The following ARHGAP35 variants were observed in gnomAD, a reference collection of about 807,000 sequenced individuals.
ARHGAP35 encodes the protein rho GTPase-activating protein 35.
A neutral mutation model predicts 111.1 loss-of-function variants in ARHGAP35; 15 were observed. That is an observed-to-expected ratio of 0.13 (90% confidence interval 0.09 to 0.21). The LOEUF (loss-of-function observed/expected upper bound fraction) is 0.21. Ranked by LOEUF, ARHGAP35 falls within the 10% of genes least tolerant of loss-of-function variation. The pLI is 1.00. For missense variants in ARHGAP35, 1,262 were observed against 1,873.0 expected (o/e 0.67, Z 6.02); for synonymous variants, 643 against 710.3 (o/e 0.91, Z 1.51).
At chr19:46,940,109 G>A (rs1049129245) in intron 3 of ARHGAP35, among the ~76,000 whole-genome samples, 6 of 151,906 alleles carry the variant, frequency 3.9e-5, no homozygotes, top group Non-Finnish European at 7.4e-5. Context: ...GGTGGCTCAC[G>A]CTTGTAGTTC....
chr19:47,001,101 G>C lies in ARHGAP35; in HGVS notation c.*413G>C. ...ATTCAGGGTGGGGCTGGCAACCCCT[G>C]AAGAGAACACTTCCTGTTGGTCTGT... On this transcript the variant is annotated 3_prime_UTR_variant, in exon 7 of 7. Transcript: ENST00000672722. The surrounding 1 kb of genome is among the most constrained non-coding windows in gnomAD (Gnocchi z 5.4). 7 of 1,262,928 alleles carry C rather than the reference G, an allele frequency of 5.5e-6. No homozygotes were observed. Among genetic ancestry groups the C allele is most frequent in the Non-Finnish European group, 7.1e-6 (7 of 982,162 alleles). The allele number at this position is 1,262,928 out of a possible 1,614,324, so 78.2% of individuals were successfully genotyped here. A position where few individuals can be genotyped will look rare whatever the true frequency, so the allele number is the denominator to read the frequency against.
rs2056238464 is a variant in ARHGAP35 at position 46,926,429 on chromosome 19, T to C, written c.3681+4073T>C. Reference sequence around the variant, plus strand: ...GTTGCACATGGTCTCTGTCTCCCAGTGCCATGCGTTTGCAAAGACGAGATC... The same window carrying C: ...GTTGCACATGGTCTCTGTCTCCCAGCGCCATGCGTTTGCAAAGACGAGATC... On this transcript the variant is annotated intron_variant, in intron 2 of 6. Transcript: ENST00000672722. The surrounding 1 kb of genome is among the most constrained non-coding windows in gnomAD (Gnocchi z 4.1). Among the ~76,000 whole-genome samples the C allele has an allele frequency of 6.6e-6, 1 of 152,218 alleles. No individual in the cohort carries two copies. Among genetic ancestry groups the C allele is most frequent in the Non-Finnish European group, 1.5e-5 (1 of 68,044 alleles).
intron 1 of ARHGAP35, among the ~76,000 whole-genome samples, chr19:46,896,584 G>T (rs62136775): frequency 6.6e-6 from 1 of 152,214 alleles, no homozygotes; most frequent in African/African-American, 2.4e-5. Context: ...AGCTCACGCT[G>T]TGCAGCAGCT....
chr19:46,882,546 T>C (rs1020340752), intron 1 of ARHGAP35, among the ~76,000 whole-genome samples: 1 of 152,226 alleles, frequency 6.6e-6, no homozygotes, highest in Admixed American at 6.5e-5. Context: ...AGATTTGTTA[T>C]ATAGGTATAC....
intron 3 of ARHGAP35, among the ~76,000 whole-genome samples, chr19:46,985,123 CA>C (rs1336954039): frequency 1.3e-5 from 2 of 152,024 alleles, no homozygotes; most frequent in African/African-American, 4.8e-5. Context: ...TTGTTTTTTT[CA>C]AATTAGGAGA....
chr19:46,908,911 G>A lies in ARHGAP35; in HGVS notation c.-188-9577G>A, dbSNP rs2056124303. ...AGAACCTTTAAGCAGGGATTGCATG[G>A]AGGTGGGGAGGACAAATCAAGAGGG... On this transcript the variant is annotated intron_variant, in intron 1 of 6. Transcript: ENST00000672722. This position sits in a 1 kb window ranked among gnomAD's most constrained non-coding sequence, Gnocchi z 4.2. Among the ~76,000 whole-genome samples, 1 of 152,198 alleles carries A rather than the reference G, an allele frequency of 6.6e-6. No homozygotes were observed. The highest frequency in any genetic ancestry group is 2.4e-5 in the African/African-American group (1 of 41,446).
At chr19:46,871,720 T>C (rs1456809236) in intron 1 of ARHGAP35, among the ~76,000 whole-genome samples, 1 of 151,766 alleles carries the variant, frequency 6.6e-6, no homozygotes, top group African/African-American at 2.4e-5. Context: ...GGCTCATGCC[T>C]GTAATCCCAG....
At chr19:46,865,354 T>G (rs1452727636) in intron 1 of ARHGAP35, among the ~76,000 whole-genome samples, 1 of 152,258 alleles carries the variant, frequency 6.6e-6, no homozygotes, top group African/African-American at 2.4e-5. Flanking sequence ...TGTTTTCAAC[T>G]AACCTCTTTT....
At chr19:46,906,673 GCC>G (rs1321842304) in intron 1 of ARHGAP35, among the ~76,000 whole-genome samples, 1 of 152,172 alleles carries the variant, frequency 6.6e-6, no homozygotes, top group East Asian at 1.9e-4. Context: ...TAGCTTCTTA[GCC>G]TTAGCTTCAG....
intron 1 of ARHGAP35, among the ~76,000 whole-genome samples, chr19:46,876,084 C>T (rs912285126): frequency 2.0e-5 from 3 of 152,056 alleles, no homozygotes; most frequent in Non-Finnish European, 4.4e-5. Context: ...GCCTTAGGCA[C>T]GTCGTCTTAA....
At chr19:46,912,148 A>G (rs1282814986) in intron 1 of ARHGAP35, among the ~76,000 whole-genome samples, 1 of 144,428 alleles carries the variant, frequency 6.9e-6, no homozygotes, top group East Asian at 2.1e-4. Flanking sequence ...GGTTCTAGCG[A>G]TTCTCCTGTC....
At chr19:46,915,253 G>T (rs1316967592) in intron 1 of ARHGAP35, among the ~76,000 whole-genome samples, 1 of 152,180 alleles carries the variant, frequency 6.6e-6, no homozygotes, top group Non-Finnish European at 1.5e-5. Context: ...GATGCGAAAG[G>T]TTTGTTTTTC....
chr19:46,952,083 C>T (rs2056416252), intron 3 of ARHGAP35, among the ~76,000 whole-genome samples: 1 of 152,156 alleles, frequency 6.6e-6, no homozygotes, highest in African/African-American at 2.4e-5. Context: ...ATGTTGCCAA[C>T]ACAAAGAAAC....
intron 1 of ARHGAP35, among the ~76,000 whole-genome samples, chr19:46,867,903 A>G (rs527378792): frequency 6.6e-5 from 10 of 152,026 alleles, no homozygotes; most frequent in Middle Eastern, 3.4e-3. Context: ...GTCTCGCTCT[A>G]TCGCCCAGGC....
chr19:46,938,172 C>T (rs925903267), intron 3 of ARHGAP35, among the ~76,000 whole-genome samples: 69 of 152,084 alleles, frequency 4.5e-4, no homozygotes, highest in African/African-American at 1.6e-3. Flanking sequence ...TTACAGCCTT[C>T]CAATCTGTTC....
chr19:46,972,379 T>C lies in ARHGAP35; in HGVS notation c.3827-15610T>C, dbSNP rs897862737. On this transcript the variant is annotated intron_variant, in intron 3 of 6. Coordinates refer to ENST00000672722, the MANE Select transcript of ARHGAP35 (RefSeq NM_004491.5). ...ATAACTAACTGAGAACAAATTGCAG[T>C]GTTGTCCTGATGGGACACAGCAGGA... Among the ~76,000 whole-genome samples the C allele has an allele frequency of 2.0e-5, 3 of 152,264 alleles. No homozygotes were observed. The East Asian group carries it at 5.8e-4, about 29-fold the overall frequency.
intron 2 of ARHGAP35, among the ~76,000 whole-genome samples, chr19:46,935,146 A>G (rs1281819149): frequency 6.6e-6 from 1 of 152,228 alleles, no homozygotes; most frequent in Non-Finnish European, 1.5e-5. Flanking sequence ...TAAGGGGAGC[A>G]AGCAGCAGCC....
chr19:46,890,687 T>C (rs901728214), intron 1 of ARHGAP35, among the ~76,000 whole-genome samples: 3 of 152,228 alleles, frequency 2.0e-5, no homozygotes, highest in African/African-American at 7.2e-5. Context: ...GTGTAACAGA[T>C]TAGGTGTTTG....
chr19:46,978,537 GATGT>G (rs2056591907), intron 3 of ARHGAP35, among the ~76,000 whole-genome samples: 1 of 146,504 alleles, frequency 6.8e-6, no homozygotes, highest in African/African-American at 2.5e-5. Context: ...TGTGTGGTGG[GATGT>G]GTGTGTGTGG....
Sources: allele counts gnomAD v4.1 joint callset (sites outside exome capture counted in the v4.1 genomes callset), GRCh38; gene constraint gnomAD v4.1.1; non-coding constraint Gnocchi (gnomAD v3.1); transcripts MANE v1.5; gene names NCBI Gene and HGNC (gene_info 2026-07-23, HGNC 2026-07-21).